Variants in ILRUN observed in about 807,000 individuals in gnomAD.
ILRUN encodes protein ILRUN.
ILRUN carries 3 observed loss-of-function variants against 33.8 expected under a neutral mutation model. That is an observed-to-expected ratio of 0.09 (90% CI 0.04 to 0.23). The LOEUF (loss-of-function observed/expected upper bound fraction) is 0.23. Among genes scored for constraint, ILRUN ranks in the 10% least tolerant of loss-of-function variants. The pLI is 1.00. For missense variants in ILRUN, 210 were observed against 375.1 expected (o/e 0.56, Z 3.64); for synonymous variants, 124 against 138.9 (o/e 0.89, Z 0.75).
At chr6:34,648,085 G>C (rs1177706681) in intron 2 of ILRUN, among the ~76,000 whole-genome samples, 1 of 152,228 alleles carries the variant, frequency 6.6e-6, no homozygotes, top group African/African-American at 2.4e-5. Flanking sequence ...AAGCGGTATA[G>C]GTAGCCACAC....
At chr6:34,669,630 A>C (rs1178394772) in intron 1 of ILRUN, among the ~76,000 whole-genome samples, 1 of 152,226 alleles carries the variant, frequency 6.6e-6, no homozygotes, top group African/African-American at 2.4e-5. Context: ...TTGTGTGTGA[A>C]GGCCTCACAA....
chr6:34,628,201 A>C (rs1207940475), intron 3 of ILRUN, among the ~76,000 whole-genome samples: 4 of 151,300 alleles, frequency 2.6e-5, no homozygotes, highest in African/African-American at 9.7e-5. Context: ...TTGTATTTTT[A>C]GTAGAGACGA....
chr6:34,653,481 C>T (rs1475581943), intron 2 of ILRUN, among the ~76,000 whole-genome samples: 1 of 152,186 alleles, frequency 6.6e-6, no homozygotes, highest in African/African-American at 2.4e-5. Context: ...CCACCTCGGC[C>T]TCCCAAAGCT....
chr6:34,695,873 C>A lies in ILRUN; in HGVS notation c.158+573G>T, dbSNP rs151333696. ...CCCTTGTCTTCCCCCATAATATCAC[C>A]CCCTTTTCCCTATCTATCCTCAGAT... is the stretch of plus-strand genomic sequence containing the variant. On this transcript the variant is annotated intron_variant, in intron 1 of 4. Coordinates refer to ENST00000374023, the MANE Select transcript of ILRUN (RefSeq NM_024294.4). Among the ~76,000 whole-genome samples, 494 of 148,426 alleles carry A rather than the reference C, an allele frequency of 3.3e-3. 2 individuals are homozygous for A. The highest frequency in any genetic ancestry group is 4.7e-3 in the Admixed American group (70 of 14,746).
intron 3 of ILRUN, among the ~76,000 whole-genome samples, chr6:34,640,727 AT>A (rs1362235501): frequency 6.6e-6 from 1 of 151,088 alleles, no homozygotes; most frequent in Non-Finnish European, 1.5e-5. Flanking sequence ...GAATGAATGA[AT>A]GAATGAATGA....
intron 4 of ILRUN, among the ~76,000 whole-genome samples, chr6:34,601,182 G>A (rs58971485): frequency 0.012 from 1,835 of 152,218 alleles, 43 homozygotes; most frequent in African/African-American, 0.039. Context: ...CTTAAACTAC[G>A]TACACTGATA....
intron 3 of ILRUN, among the ~76,000 whole-genome samples, chr6:34,640,147 G>A (rs942073927): frequency 2.0e-5 from 3 of 152,118 alleles, no homozygotes; most frequent in Non-Finnish European, 4.4e-5. Context: ...AAATTTGTGT[G>A]GTGGGGGACA....
At chr6:34,655,141 A>G (rs1762743185) in intron 1 of ILRUN, among the ~76,000 whole-genome samples, 1 of 152,062 alleles carries the variant, frequency 6.6e-6, no homozygotes. Flanking sequence ...TATTATTATT[A>G]TTTGTTAATA....
chr6:34,692,957 A>G (rs1019408742), intron 1 of ILRUN, among the ~76,000 whole-genome samples: 9 of 152,182 alleles, frequency 5.9e-5, no homozygotes. Context: ...ACGCATCTGT[A>G]GTCCCAGCTA....
chr6:34,630,322 CA>C (rs1018668367), intron 3 of ILRUN, among the ~76,000 whole-genome samples: 3 of 152,178 alleles, frequency 2.0e-5, no homozygotes, highest in Non-Finnish European at 4.4e-5. Flanking sequence ...TAACTGAAAC[CA>C]TGGAAAGTGA....
intron 1 of ILRUN, among the ~76,000 whole-genome samples, chr6:34,655,354 C>T (rs748443877): frequency 2.6e-5 from 4 of 152,294 alleles, no homozygotes; most frequent in Admixed American, 1.3e-4. Context: ...CCTCAACATA[C>T]ACACACAGAT....
chr6:34,642,825 CA>C (rs57866309), intron 3 of ILRUN, among the ~76,000 whole-genome samples: 7,585 of 42,792 alleles, frequency 0.18, 193 homozygotes, highest in African/African-American at 0.3. Context: ...CCGTCTCTAC[CA>C]AAAAAAAAAA....
Position 34,629,545 on chromosome 6 carries a change from G to C in ILRUN, c.511+17056C>G, listed in dbSNP as rs1403324639. 5.3e-5 allele frequency among the ~76,000 whole-genome samples: 8 copies of C among 152,042 alleles called. No homozygotes were observed. The South Asian group carries it at 1.0e-3, about 20-fold the overall frequency. ...GAAATCATATGTAATTCCTACTGTT[G>C]CTCCTCCATAGGTAAGATATTTTTT... On this transcript the variant is annotated intron_variant, in intron 3 of 4. Transcript: ENST00000374023.
intron 2 of ILRUN, among the ~76,000 whole-genome samples, chr6:34,650,453 G>T (rs1380369987): frequency 3.1e-5 from 4 of 130,616 alleles, no homozygotes; most frequent in Admixed American, 7.8e-5. Flanking sequence ...ATTTATTTAT[G>T]AGTCGGAGTC....
chr6:34,633,692 A>C, intron 3 of ILRUN, among the ~76,000 whole-genome samples: 1 of 151,768 alleles, frequency 6.6e-6, no homozygotes, highest in East Asian at 1.9e-4. Flanking sequence ...CTCTACAAAA[A>C]ATAAAAAGTA....
chr6:34,670,536 T>C (rs1582096207), intron 1 of ILRUN, among the ~76,000 whole-genome samples: 1 of 152,158 alleles, frequency 6.6e-6, no homozygotes, highest in South Asian at 2.1e-4. Flanking sequence ...TTTCTTTGGT[T>C]TGAAAATCTT....
intron 1 of ILRUN, among the ~76,000 whole-genome samples, chr6:34,689,113 A>C (rs2127390208): frequency 6.6e-6 from 1 of 152,290 alleles, no homozygotes; most frequent in Middle Eastern, 3.4e-3. Flanking sequence ...TAGAAACAAG[A>C]GAGTGGTGGT....
chr6:34,650,765 T>C (rs568535634), intron 2 of ILRUN, among the ~76,000 whole-genome samples: 1 of 152,154 alleles, frequency 6.6e-6, no homozygotes, highest in African/African-American at 2.4e-5. Flanking sequence ...AGGAATTTAA[T>C]TTTAAACAGT....
chr6:34,693,135 A>G (rs2127392466), intron 1 of ILRUN, among the ~76,000 whole-genome samples: 1 of 152,246 alleles, frequency 6.6e-6, no homozygotes, highest in East Asian at 1.9e-4. Flanking sequence ...AATCAAAAAT[A>G]CAGTATTAGA....
Sources: gnomAD v4.1 joint callset for allele counts (sites outside exome capture counted in the v4.1 genomes callset) on GRCh38, gnomAD v4.1.1 for gene constraint, MANE v1.5 for transcripts, NCBI Gene and HGNC (gene_info 2026-07-23, HGNC 2026-07-21) for gene names.